PSME4: variants seen among roughly 807,000 people sequenced by gnomAD.
The protein encoded by PSME4 is proteasome activator subunit 4.
In PSME4, 89 loss-of-function variants were observed where a neutral mutation model predicts 253.9. That is an observed-to-expected ratio of 0.35 (90% CI 0.30 to 0.42). The LOEUF (loss-of-function observed/expected upper bound fraction) is 0.42, where lower values mean the gene tolerates loss of function less well. PSME4 is among the 10% of genes least tolerant of loss of function. PSME4 has a pLI of 1.00. For synonymous variants in PSME4, 851 were observed against 759.2 expected (o/e 1.12, Z -1.99); for missense variants, 2,014 against 2,195.2 (o/e 0.92, Z 1.65).
chr2:53,934,323 C>A (rs1669003429), intron 8 of PSME4, among the ~76,000 whole-genome samples: 1 of 152,204 alleles, frequency 6.6e-6, no homozygotes, highest in Non-Finnish European at 1.5e-5. Flanking sequence ...GTCTTCCGGG[C>A]TACAAGTCTG....
At position 53,887,907 on chromosome 2, in the gene PSME4, C is replaced by G; in HGVS notation, c.4471G>C (p.Glu1491Gln). The G allele has an allele frequency of 6.2e-7, 1 of 1,606,290 alleles. No homozygotes were observed. Residue 1491 changes from glutamate to glutamine, a missense_variant, in exon 39 of 47, where the codon GAA becomes CAA. Coordinates refer to ENST00000404125, the MANE Select transcript of PSME4 (RefSeq NM_014614.3). The part of the protein sequence containing the change: ...ELLHRLLKYL[E>Q]PKLTQVYKNV... The stretch of plus-strand genomic sequence containing the variant: ...TTGTAAACCTGGGTGAGTTTGGGTT[C>G]CAAGTACTTCAGTAGTCTGTGCAAT...
At chr2:53,926,922 G>A (rs552419833) in intron 12 of PSME4, among the ~76,000 whole-genome samples, 2 of 145,072 alleles carry the variant, frequency 1.4e-5, no homozygotes, top group South Asian at 2.2e-4. Context: ...GCAGTGAGCC[G>A]ATATCACATC....
chr2:53,923,292 AATACAT>A, intron 15 of PSME4, 23 bp downstream of exon 15: 1 of 1,580,318 alleles, frequency 6.3e-7, no homozygotes, highest in Non-Finnish European at 8.6e-7. Flanking sequence ...TTGAGTCATT[AATACAT>A]CAGTTCAAAA....
At chr2:53,925,229 G>A (rs1668510376) in intron 14 of PSME4, among the ~76,000 whole-genome samples, 1 of 152,202 alleles carries the variant, frequency 6.6e-6, no homozygotes, top group Non-Finnish European at 1.5e-5. Context: ...AAGTGGAGCT[G>A]GATATAAGAC....
In PSME4 at chr2:53,864,114, A is replaced by C. The variant is rs1402064863; in HGVS notation, c.*1464T>G. 6.6e-6 allele frequency: 1 copy of C among 152,254 alleles called. No homozygotes were observed. The highest frequency in any genetic ancestry group is 2.4e-5 in the African/African-American group (1 of 41,462). 9.4% of individuals were successfully genotyped at this position (152,254 alleles called of 1,614,324 possible). A position where few individuals can be genotyped will look rare whatever the true frequency, so the allele number is the denominator to read the frequency against. On this transcript the variant is annotated 3_prime_UTR_variant, in exon 47 of 47. Transcript: ENST00000404125. Reference sequence around the variant, plus strand: ...GGGTTTTAAACTAGTTACACAACTGAAATCAGTTTGGCACTACTTTATACA... The same window carrying C: ...GGGTTTTAAACTAGTTACACAACTGCAATCAGTTTGGCACTACTTTATACA...
At chr2:53,906,779 G>C in intron 25 of PSME4, 27 bp downstream of exon 25, 1 of 1,606,806 alleles carries the variant, frequency 6.2e-7, no homozygotes, top group Non-Finnish European at 8.5e-7. Flanking sequence ...ATTTTAAAAA[G>C]TCACTATGAC....
intron 19 of PSME4, 117 bp from the exon 20 acceptor site, chr2:53,919,363 CA>C (rs1273967300): frequency 7.7e-7 from 1 of 1,304,326 alleles, no homozygotes; most frequent in Non-Finnish European, 1.0e-6. Flanking sequence ...AAAGAAATAG[CA>C]AATGTCTTCA....
intron 41 of PSME4, among the ~76,000 whole-genome samples, chr2:53,881,936 TA>T (rs761265624): frequency 6.6e-6 from 1 of 152,088 alleles, no homozygotes; most frequent in Non-Finnish European, 1.5e-5. Context: ...CAGGACTTTG[TA>T]AGCTATTCTT....
intron 7 of PSME4, among the ~76,000 whole-genome samples, chr2:53,935,379 T>A (rs922161068): frequency 2.0e-5 from 3 of 152,130 alleles, no homozygotes; most frequent in African/African-American, 7.2e-5. Context: ...AAACAGAGCA[T>A]CTGCATCCAG....
intron 1 of PSME4, among the ~76,000 whole-genome samples, chr2:53,958,907 C>G (rs770229252): frequency 7.3e-5 from 11 of 149,902 alleles, no homozygotes; most frequent in Non-Finnish European, 1.2e-4. Flanking sequence ...TTCAAATTAC[C>G]AACAAAAAAA....
In PSME4 at chr2:53,922,531, G is replaced by C; in HGVS notation, c.2032C>G (p.Gln678Glu). ...ATTTACAATACCTCAGACAAAAGTT[G>C]AAGATTCCATAGTAATTCCTTGTCT... ...ELDKELLWNLQLLSEITRVDG... is the reference protein window; with the variant it reads ...ELDKELLWNLELLSEITRVDG... Residue 678 changes from glutamine to glutamate, a missense_variant, in exon 17 of 47, where the codon CAA (glutamine) becomes GAA (glutamate). Physicochemically the swap from Gln to Glu is conservative, Grantham distance 29. Transcript: ENST00000404125. The C allele has an allele frequency of 6.2e-7, 1 of 1,612,440 alleles. No individual in the cohort carries two copies. Among genetic ancestry groups the C allele is most frequent in the Non-Finnish European group, 8.5e-7 (1 of 1,179,410 alleles).
intron 10 of PSME4, among the ~76,000 whole-genome samples, chr2:53,930,098 A>G (rs1373468759): frequency 1.3e-5 from 2 of 152,102 alleles, no homozygotes; most frequent in Non-Finnish European, 2.9e-5. Flanking sequence ...GCACCAAATT[A>G]CAACTGAAAG....
chr2:53,907,562 T>C (rs1680717098), intron 24 of PSME4, among the ~76,000 whole-genome samples: 1 of 152,204 alleles, frequency 6.6e-6, no homozygotes, highest in Non-Finnish European at 1.5e-5. Context: ...TGGCAGAGCT[T>C]TTTAATGTTT....
intron 3 of PSME4, among the ~76,000 whole-genome samples, chr2:53,944,455 C>A (rs1305670547): frequency 6.6e-6 from 1 of 152,062 alleles, no homozygotes; most frequent in Admixed American, 6.6e-5. Flanking sequence ...CTACCATGCC[C>A]AGCCGAATTT....
rs775273728 is a variant in PSME4, at chr2:53,901,511, T to C, written c.3124A>G (p.Asn1042Asp). The C allele has an allele frequency of 1.6e-5, 26 of 1,613,762 alleles. No homozygotes were observed. Among genetic ancestry groups the C allele is most frequent in the African/African-American group, 4.0e-5 (3 of 74,850 alleles). ...ACAATACAGTCCCAATCATGAAGGT[T>C]TGCCAAGCACACACCACTGTGATTT... ...LGNHSGVCLA[N>D]LHDWDCIVQT... is the part of the protein sequence containing the mutation. Residue 1042 changes from asparagine (N) to aspartate (D), a missense_variant, in exon 28 of 47, where the codon AAC becomes GAC. This residue lies in a region of PSME4 where 989 missense variants were observed against 1,021.1 expected (regional missense o/e 0.97). Transcript: ENST00000404125.
chr2:53,880,596 A>T (rs1679338055), intron 41 of PSME4, among the ~76,000 whole-genome samples: 1 of 152,226 alleles, frequency 6.6e-6, no homozygotes, highest in South Asian at 2.1e-4. Context: ...AAAAAGAGGC[A>T]ATTTTGTGTA....
chr2:53,882,911 A>AAAT (rs1398827687), intron 41 of PSME4, among the ~76,000 whole-genome samples: 1 of 88,436 alleles, frequency 1.1e-5, no homozygotes, highest in East Asian at 2.7e-4. Context: ...AAAAAAAAAT[A>AAAT]AATAAATAAG....
At chr2:53,927,798 C>G (rs749637710) in intron 11 of PSME4, among the ~76,000 whole-genome samples, 8 of 151,880 alleles carry the variant, frequency 5.3e-5, no homozygotes, top group Non-Finnish European at 1.2e-4. Flanking sequence ...AATACGAAAC[C>G]CAGCCAGGCA....
Position 53,869,518 on chromosome 2 carries a change from A to G in PSME4, c.5121T>C (p.Thr1707=). The change falls in exon 44 of 47, where the codon ACT becomes ACC. Residue 1707 remains threonine (T), a synonymous_variant. Transcript: ENST00000404125. ...EQLEVREMAA[T]TLSGLLQCNF... is the part of the protein sequence containing the mutation. ...TACACTGTAGCAGACCGCTTAAGGTAGTAGCAGCCATTTCTCGAACCTGTA... is the reference window on the plus strand; with the variant it reads ...TACACTGTAGCAGACCGCTTAAGGTGGTAGCAGCCATTTCTCGAACCTGTA... 1 of 1,525,012 alleles carries G rather than the reference A, an allele frequency of 6.6e-7. No individual in the cohort carries two copies. Among genetic ancestry groups the G allele is most frequent in the Non-Finnish European group, 8.9e-7 (1 of 1,119,892 alleles). The allele number at this position is 1,525,012 out of a possible 1,614,324, so 94.5% of individuals were successfully genotyped here.
Sources: allele counts gnomAD v4.1 joint callset (sites outside exome capture counted in the v4.1 genomes callset), GRCh38; gene constraint gnomAD v4.1.1; regional missense constraint gnomAD v4.1.1; transcripts MANE v1.5; gene names NCBI Gene and HGNC (gene_info 2026-07-23, HGNC 2026-07-21).